TTLL8: variants seen among roughly 807,000 people sequenced by gnomAD.
TTLL8 encodes the protein protein monoglycylase TTLL8.
TTLL8 carries 65 observed loss-of-function variants against 77.8 expected under a neutral mutation model. The observed-to-expected ratio is 0.84, with a 90% CI of 0.68 to 1.03. The LOEUF (loss-of-function observed/expected upper bound fraction) is 1.03, where lower values mean the gene tolerates loss of function less well. TTLL8 is among the 50% of genes least tolerant of loss of function. The pLI, the probability that TTLL8 is intolerant of heterozygous loss-of-function variation, is 0.00. For missense variants in TTLL8, 910 were observed against 1,004.5 expected, an observed-to-expected ratio of 0.91 and a Z score of 1.27; for synonymous variants, 402 against 422.8, an observed-to-expected ratio of 0.95 and a Z score of 0.60.
intron 12 of TTLL8, among the ~76,000 whole-genome samples, chr22:50,024,217 A>G (rs549009998): frequency 9.3e-5 from 14 of 151,186 alleles, no homozygotes; most frequent in African/African-American, 2.9e-4. Context: ...GCTCACTGCA[A>G]CCTCCACCTC....
At chr22:50,022,428 A>AATGTGTACTCCTCCATCTGACG (rs1569218555) in intron 12 of TTLL8, among the ~76,000 whole-genome samples, 2 of 131,286 alleles carry the variant, frequency 1.5e-5, no homozygotes. Flanking sequence ...TCCATCTGAC[A>AATGTGTACTCCTCCATCTGACG]ATGTGTACTC....
At position 50,047,195 on chromosome 22, in the gene TTLL8, G is replaced by C. The variant is rs373166430; in HGVS notation, c.366C>G (p.Tyr122Ter). ...TGGTGGTGAAGGAGGCTGTCTTTGC[G>C]TAGTGGTTCAGCATCTGGTCGTAGG... Residue 122 changes from tyrosine (Y) to a stop codon, truncating the protein, a stop_gained, in exon 4 of 14, where the codon TAC becomes TAG. Coordinates refer to ENST00000266182, the Ensembl canonical transcript of TTLL8. LOFTEE classifies it high-confidence loss of function. 7.3e-7 allele frequency: 1 copy of C among 1,367,546 alleles called. No homozygotes were observed. The highest frequency in any genetic ancestry group is 9.8e-7 in the Non-Finnish European group (1 of 1,021,726). The allele number at this position is 1,367,546 out of a possible 1,614,324, so 84.7% of individuals were successfully genotyped here.
intron 12 of TTLL8, among the ~76,000 whole-genome samples, chr22:50,029,696 A>C (rs2061271830): frequency 6.6e-6 from 1 of 151,976 alleles, no homozygotes; most frequent in Non-Finnish European, 1.5e-5. Context: ...GCGCCACGGC[A>C]CTTCAGCCTC....
chr22:50,029,656 G>A (rs1025808061), intron 12 of TTLL8, among the ~76,000 whole-genome samples: 11 of 152,114 alleles, frequency 7.2e-5, no homozygotes, highest in East Asian at 1.9e-4. Context: ...GCGCGAACCC[G>A]GGAGGCGGAG....
At chr22:50,054,884 C>T (rs1326479844), upstream of TTLL8, among the ~76,000 whole-genome samples, 2 of 152,022 alleles carry the variant, frequency 1.3e-5, no homozygotes, top group African/African-American at 4.8e-5. Context: ...ATAGTGAAAC[C>T]TCCATCTCTA....
chr22:50,043,428 CA>C (rs2061386747), intron 6 of TTLL8, among the ~76,000 whole-genome samples: 1 of 144,840 alleles, frequency 6.9e-6, no homozygotes, highest in East Asian at 2.0e-4. Context: ...GATAGATAAA[CA>C]GTGGTGCCGA....
At chr22:50,039,602 T>C (rs998808289) in intron 8 of TTLL8, among the ~76,000 whole-genome samples, 5 of 152,220 alleles carry the variant, frequency 3.3e-5, no homozygotes, top group Admixed American at 6.5e-5. Flanking sequence ...GGAAAAGATA[T>C]TACCTTCAAA....
chr22:50,026,059 C>T (rs1264622640), intron 12 of TTLL8, among the ~76,000 whole-genome samples: 9 of 152,216 alleles, frequency 5.9e-5, no homozygotes, highest in Non-Finnish European at 1.3e-4. Context: ...GCACATGTCC[C>T]CGTAAAGGCC....
exon 11 of TTLL8, chr22:50,032,026 ATGT>A (rs2061299132): frequency 7.3e-7 from 1 of 1,366,492 alleles, no homozygotes. Flanking sequence ...GCTGGTCCAC[ATGT>A]TGTGTGCGGG....
intron 12 of TTLL8, among the ~76,000 whole-genome samples, chr22:50,024,302 A>AC (rs1241100351): frequency 2.0e-5 from 3 of 148,214 alleles, no homozygotes; most frequent in African/African-American, 7.4e-5. Context: ...ATGCCTGGCT[A>AC]TTTTTTTTTT....
chr22:50,054,532 C>A (rs754332126), intron 1 of TTLL8: 1 of 192,978 alleles, frequency 5.2e-6, no homozygotes, highest in Admixed American at 5.3e-5. Context: ...CAGGTGGAGG[C>A]ACAGTGAGCG....
At chr22:50,030,874 C>T (rs747864226) in exon 12 of TTLL8, 3 of 1,326,860 alleles carry the variant, frequency 2.3e-6, no homozygotes, top group Admixed American at 2.1e-5. Context: ...CTCACACTGA[C>T]GCCCGCCACG....
At chr22:50,027,593 C>A (rs1487952041) in intron 12 of TTLL8, 13 of 979,858 alleles carry the variant, frequency 1.3e-5, no homozygotes, top group African/African-American at 1.8e-5. Context: ...CAAGGTGATC[C>A]CAGTCAAAGT....
Position 50,036,411 on chromosome 22 carries a change from T to C in TTLL8, c.922-1949A>G, listed in dbSNP as rs547112770. On this transcript the variant is annotated intron_variant, in intron 8 of 13. Coordinates refer to ENST00000266182, the Ensembl canonical transcript of TTLL8. Reference sequence around the variant, plus strand: ...TACTCAAAAAAGTCAAGTTGAACAGTGTGTACGTCCTTGTACACTCGTGTA... The same window carrying C: ...TACTCAAAAAAGTCAAGTTGAACAGCGTGTACGTCCTTGTACACTCGTGTA... Among the ~76,000 whole-genome samples, 21 of 152,146 alleles carry C rather than the reference T, an allele frequency of 1.4e-4. No individual in the cohort carries two copies. In the South Asian group the frequency reaches 3.9e-3, roughly 29 times the overall value.
At chr22:50,023,509 C>T (rs1403954599) in intron 12 of TTLL8, among the ~76,000 whole-genome samples, 1 of 151,504 alleles carries the variant, frequency 6.6e-6, no homozygotes, top group African/African-American at 2.4e-5. Flanking sequence ...ACGGTGAAAC[C>T]CCGTCCCTAC....
chr22:50,053,625 G>T (rs964754939), intron 1 of TTLL8, among the ~76,000 whole-genome samples: 2 of 152,156 alleles, frequency 1.3e-5, no homozygotes, highest in Non-Finnish European at 2.9e-5. Context: ...ATTAATGAGC[G>T]GATATGGTTC....
chr22:50,057,153 G>GGATGGGA (rs2061475353), upstream of TTLL8, among the ~76,000 whole-genome samples: 2 of 97,810 alleles, frequency 2.0e-5, no homozygotes, highest in African/African-American at 1.1e-4. Context: ...TCTGAGTTGG[G>GGATGGGA]GTCAGGTCTG....
Position 50,034,209 on chromosome 22 carries a change from C to CA in TTLL8, c.1039+135dup, listed in dbSNP as rs1236800323. On this transcript the variant is annotated intron_variant, in intron 9 of 13. Coordinates refer to ENST00000266182, the Ensembl canonical transcript of TTLL8. This position sits in a 1 kb window ranked among gnomAD's most constrained non-coding sequence, Gnocchi z 4.1. ...GCTCCAGCGCCTGAGTCCTGACCCC[C>CA]ACGCCTGCCTCGGCGTTCTGCTCCC... The CA allele has an allele frequency of 8.9e-7, 1 of 1,121,976 alleles. No individual in the cohort carries two copies. Among genetic ancestry groups the CA allele is most frequent in the Non-Finnish European group, 1.1e-6 (1 of 876,584 alleles). The allele number at this position is 1,121,976 out of a possible 1,614,324, so 69.5% of individuals were successfully genotyped here. A position where few individuals can be genotyped will look rare whatever the true frequency, so the allele number is the denominator to read the frequency against.
In TTLL8 at chr22:50,034,328, G is replaced by T. The variant is rs763897581; in HGVS notation, c.1039+17C>A. The T allele has an allele frequency of 4.4e-6, 6 of 1,361,878 alleles. No individual in the cohort carries two copies. The highest frequency in any genetic ancestry group is 5.9e-6 in the Non-Finnish European group (6 of 1,020,220). 84.4% of individuals were successfully genotyped at this position (1,361,878 alleles called of 1,614,324 possible). A position where few individuals can be genotyped will look rare whatever the true frequency, so the allele number is the denominator to read the frequency against. On this transcript the variant is annotated intron_variant, in intron 9 of 13. Coordinates refer to ENST00000266182, the Ensembl canonical transcript of TTLL8. This position sits in a 1 kb window ranked among gnomAD's most constrained non-coding sequence, Gnocchi z 4.1. ...GGCCGTTGGTGGCTATGAACGCGGT[G>T]CAGGGAGCATCCGCACCAGGGGACT...
Sources: allele counts gnomAD v4.1 joint callset (sites outside exome capture counted in the v4.1 genomes callset), GRCh38; gene constraint gnomAD v4.1.1; non-coding constraint Gnocchi (gnomAD v3.1); transcripts MANE v1.5; gene names NCBI Gene and HGNC (gene_info 2026-07-23, HGNC 2026-07-21).